Variants in CTNNA2 observed in about 807,000 individuals in gnomAD.
CTNNA2 encodes catenin alpha-2.
In CTNNA2, 42 loss-of-function variants were observed where a neutral mutation model predicts 101.0. The observed-to-expected ratio is 0.42, with a 90% CI of 0.32 to 0.54. The LOEUF (loss-of-function observed/expected upper bound fraction) is 0.54. CTNNA2 is among the 20% of genes least tolerant of loss of function. The pLI, the probability that CTNNA2 is intolerant of heterozygous loss-of-function variation, is 0.14. For missense variants in CTNNA2, 871 were observed against 1,223.1 expected (o/e 0.71, Z 4.29); for synonymous variants, 450 against 456.4 (o/e 0.99, Z 0.18).
At chr2:79,936,728 G>A (rs1687819927) in intron 7 of CTNNA2, among the ~76,000 whole-genome samples, 1 of 151,886 alleles carries the variant, frequency 6.6e-6, no homozygotes, top group Non-Finnish European at 1.5e-5. Context: ...TCTTTCCAGG[G>A]GTAGAGGTCT....
At chr2:79,717,412 T>G (rs1686179769) in intron 2 of CTNNA2, among the ~76,000 whole-genome samples, 1 of 152,164 alleles carries the variant, frequency 6.6e-6, no homozygotes, top group Non-Finnish European at 1.5e-5. Context: ...TCTTCTCCAG[T>G]CAACCTGAGG....
At chr2:79,255,217 T>C (rs1356186870) in intron 2 of CTNNA2, among the ~76,000 whole-genome samples, 2 of 152,232 alleles carry the variant, frequency 1.3e-5, no homozygotes, top group Non-Finnish European at 2.9e-5. Flanking sequence ...TAATATGTTA[T>C]TTCCTGTAAT....
At chr2:80,494,769 G>T (rs931178970) in intron 9 of CTNNA2, among the ~76,000 whole-genome samples, 1 of 134,148 alleles carries the variant, frequency 7.5e-6, no homozygotes, top group Admixed American at 7.2e-5. Context: ...ATGACTCATA[G>T]AATAAAAGTA....
chr2:79,991,440 A>C (rs758915689), intron 7 of CTNNA2, among the ~76,000 whole-genome samples: 2 of 152,096 alleles, frequency 1.3e-5, no homozygotes, highest in Non-Finnish European at 2.9e-5. Context: ...TGCGCAGGTG[A>C]CTTAATTTCT....
chr2:79,477,261 C>G (rs1441339182), intron 4 of CTNNA2, among the ~76,000 whole-genome samples: 1 of 150,962 alleles, frequency 6.6e-6, no homozygotes. Flanking sequence ...ACTTCTGCCT[C>G]CAAGGTTCTC....
chr2:79,244,549 G>A (rs760560388), intron 2 of CTNNA2, among the ~76,000 whole-genome samples: 11 of 152,154 alleles, frequency 7.2e-5, no homozygotes, highest in Non-Finnish European at 1.2e-4. Context: ...GCTATGGGGA[G>A]GAAAGGAAGT....
chr2:80,507,913 G>A (rs1035940072), intron 9 of CTNNA2, among the ~76,000 whole-genome samples: 4 of 152,160 alleles, frequency 2.6e-5, no homozygotes, highest in African/African-American at 9.7e-5. Flanking sequence ...TGAGCATTGA[G>A]TCCTGTGTAG....
At chr2:80,350,280 A>G (rs961841296) in intron 7 of CTNNA2, among the ~76,000 whole-genome samples, 2 of 152,186 alleles carry the variant, frequency 1.3e-5, no homozygotes, top group African/African-American at 4.8e-5. Context: ...ACAGTCAAGG[A>G]CATTTACACA....
chr2:79,945,025 G>C, intron 7 of CTNNA2, among the ~76,000 whole-genome samples: 1 of 152,116 alleles, frequency 6.6e-6, no homozygotes, highest in South Asian at 2.1e-4. Context: ...TTTATTGTTT[G>C]GTTGTTGTTT....
At chr2:80,249,814 C>T (rs2149104443) in intron 7 of CTNNA2, among the ~76,000 whole-genome samples, 1 of 152,248 alleles carries the variant, frequency 6.6e-6, no homozygotes, top group South Asian at 2.1e-4. Flanking sequence ...TTATGAAAAA[C>T]CATAGCATAC....
At chr2:80,635,630 A>T (rs1224502806) in intron 18 of CTNNA2, among the ~76,000 whole-genome samples, 1 of 152,170 alleles carries the variant, frequency 6.6e-6, no homozygotes, top group East Asian at 1.9e-4. Context: ...ATATACTCTT[A>T]ATTGGAGCAA....
chr2:79,982,315 A>AAC lies in CTNNA2; in HGVS notation c.1056+72520_1056+72521dup, dbSNP rs1217045035. On this transcript the variant is annotated intron_variant, in intron 7 of 18. Coordinates refer to ENST00000402739, the MANE Select transcript of CTNNA2 (RefSeq NM_001282597.3). ...TATATAACATATATAAAACATATAT[A>AAC]ACATATATAACACACATATAAAACA... 1.2e-4 allele frequency among the ~76,000 whole-genome samples: 17 copies of AAC among 140,720 alleles called. No individual in the cohort carries two copies. In the East Asian group the frequency reaches 2.0e-3, roughly 17 times the overall value. The allele number at this position is 140,720 out of a possible 152,430, so 92.3% of individuals were successfully genotyped here.
At chr2:79,837,041 A>T (rs1225011664) in intron 3 of CTNNA2, among the ~76,000 whole-genome samples, 1 of 152,226 alleles carries the variant, frequency 6.6e-6, no homozygotes, top group Non-Finnish European at 1.5e-5. Flanking sequence ...GGATTTTGAC[A>T]TATATTTTAG....
rs13404718 is a variant in CTNNA2 at position 79,376,148 on chromosome 2, C to T, written c.-135+2135C>T. 9.8e-3 allele frequency among the ~76,000 whole-genome samples: 1,492 copies of T among 152,026 alleles called. 27 individuals are homozygous for T. Among genetic ancestry groups the T allele is most frequent in the African/African-American group, 0.033 (1,372 of 41,446 alleles). ...ATGGTAGATGAGGTTAGAAGTAAGACGAAATAAGGATGAAGAGTAGAGGAT... is the reference window on the plus strand; with the variant it reads ...ATGGTAGATGAGGTTAGAAGTAAGATGAAATAAGGATGAAGAGTAGAGGAT... On this transcript the variant is annotated intron_variant, in intron 4 of 21. Transcript: ENST00000466387.
At chr2:79,300,165 T>A (rs1275841161) in intron 2 of CTNNA2, among the ~76,000 whole-genome samples, 1 of 152,150 alleles carries the variant, frequency 6.6e-6, no homozygotes, top group Non-Finnish European at 1.5e-5. Context: ...TTCCCCCTGC[T>A]CTAACTACTC....
intron 1 of CTNNA2, among the ~76,000 whole-genome samples, chr2:79,576,435 A>G (rs1373474017): frequency 6.6e-6 from 1 of 152,172 alleles, no homozygotes; most frequent in South Asian, 2.1e-4. Context: ...TCTTACCTGT[A>G]GCTCGGTTTT....
rs1434113 is a variant in CTNNA2, at chr2:79,951,251, G to T, written c.1056+41454G>T. On this transcript the variant is annotated intron_variant, in intron 7 of 18. Coordinates refer to ENST00000402739, the MANE Select transcript of CTNNA2 (RefSeq NM_001282597.3). ...ATAATCTGTGGGACTTACTAAAAAA[G>T]TACAGATATCAAAACATATACACAG... Among the ~76,000 whole-genome samples, 173 of 152,206 alleles carry T rather than the reference G, an allele frequency of 1.1e-3. 1 individual carries two copies. Among genetic ancestry groups the T allele is most frequent in the African/African-American group, 3.7e-3 (152 of 41,534 alleles).
intron 2 of CTNNA2, among the ~76,000 whole-genome samples, chr2:79,269,241 C>G (rs977838000): frequency 2.0e-5 from 3 of 152,076 alleles, no homozygotes; most frequent in Admixed American, 2.0e-4. Context: ...CAGCAAAGAT[C>G]TTAAAATATT....
chr2:80,190,996 C>A (rs895187779), intron 7 of CTNNA2, among the ~76,000 whole-genome samples: 5 of 152,154 alleles, frequency 3.3e-5, no homozygotes, highest in African/African-American at 1.2e-4. Context: ...AAATAGGCTG[C>A]AGCTGTTCTA....
Sources: gnomAD v4.1 joint callset for allele counts (sites outside exome capture counted in the v4.1 genomes callset) on GRCh38, gnomAD v4.1.1 for gene constraint, MANE v1.5 for transcripts, NCBI Gene and HGNC (gene_info 2026-07-23, HGNC 2026-07-21) for gene names.